Variants in RABGEF1 observed in about 807,000 individuals in gnomAD.
The protein encoded by RABGEF1 is RAB guanine nucleotide exchange factor 1, also known as rab5 GDP/GTP exchange factor.
Under a neutral mutation model 57.3 loss-of-function variants are expected in RABGEF1, and 26 were observed. That is an observed-to-expected ratio of 0.45 (90% CI 0.33 to 0.63). The LOEUF is 0.63. Among genes scored for constraint, RABGEF1 ranks in the 20% least tolerant of loss-of-function variants. The pLI, the probability that RABGEF1 is intolerant of heterozygous loss-of-function variation, is 0.02. For missense variants in RABGEF1, 464 were observed against 607.6 expected, an observed-to-expected ratio of 0.76 and a Z score of 2.48; for synonymous variants, 185 against 210.7, an observed-to-expected ratio of 0.88 and a Z score of 1.06.
intron 8 of RABGEF1, 150 bp downstream of exon 8, chr7:66,805,546 A>G (rs1788246623): frequency 1.7e-6 from 2 of 1,180,196 alleles, no homozygotes; most frequent in East Asian, 4.7e-5. Flanking sequence ...CAGGGAGCAC[A>G]AGGACCAGGC....
chr7:66,741,577 C>A (rs1387925914), intron 1 of RABGEF1, among the ~76,000 whole-genome samples: 3 of 152,090 alleles, frequency 2.0e-5, no homozygotes, highest in African/African-American at 7.2e-5. Flanking sequence ...CCCGTGGGCT[C>A]GTTTTGCCTT....
At chr7:66,697,139 A>C (rs550323396) in intron 1 of RABGEF1, among the ~76,000 whole-genome samples, 64 of 152,114 alleles carry the variant, frequency 4.2e-4, no homozygotes, top group African/African-American at 1.4e-3. Flanking sequence ...GCAGAGCAGG[A>C]GTGAGAGGGG....
At chr7:66,681,361 GTTAA>G (rs1254587957), upstream of RABGEF1, among the ~76,000 whole-genome samples, 2 of 148,624 alleles carry the variant, frequency 1.3e-5, no homozygotes, top group African/African-American at 2.5e-5. Context: ...TGTGACACTG[GTTAA>G]TTATTTCACT....
intron 1 of RABGEF1, among the ~76,000 whole-genome samples, chr7:66,701,503 T>TC (rs1384376403): frequency 2.7e-5 from 4 of 150,692 alleles, no homozygotes; most frequent in Non-Finnish European, 5.9e-5. Context: ...TGACTCTTTT[T>TC]TTTTTTTTTT....
At chr7:66,655,512 C>A in the RABGEF1 span, among the ~76,000 whole-genome samples, 20 of 152,276 alleles carry the variant, frequency 1.3e-4, no homozygotes, top group East Asian at 5.8e-4. Flanking sequence ...ACTTTCCCCC[C>A]CTAAACCTAG....
chr7:66,756,438 C>T (rs1180478110), intron 1 of RABGEF1, among the ~76,000 whole-genome samples: 3 of 152,196 alleles, frequency 2.0e-5, no homozygotes, highest in Non-Finnish European at 4.4e-5. Context: ...GCAAACTGCT[C>T]ACATTTTGCG....
At chr7:66,741,567 C>T (rs553496898) in intron 1 of RABGEF1, among the ~76,000 whole-genome samples, 1 of 152,242 alleles carries the variant, frequency 6.6e-6, no homozygotes, top group Admixed American at 6.5e-5. Context: ...GTCGTGGGCG[C>T]CCGTGGGCTC....
At chr7:66,728,752 A>T (rs1419686260) in intron 2 of RABGEF1, among the ~76,000 whole-genome samples, 1 of 47,128 alleles carries the variant, frequency 2.1e-5, no homozygotes, top group Non-Finnish European at 4.6e-5. Context: ...CCTCACCTCG[A>T]CCCTCACCGC....
At chr7:66,790,020 G>C (rs1812245707) in intron 4 of RABGEF1, among the ~76,000 whole-genome samples, 1 of 152,232 alleles carries the variant, frequency 6.6e-6, no homozygotes, top group South Asian at 2.1e-4. Flanking sequence ...AAGAGCAGCT[G>C]AAGGAGGCTG....
chr7:66,790,875 A>G (rs117501560), intron 4 of RABGEF1, among the ~76,000 whole-genome samples: 253 of 152,356 alleles, frequency 1.7e-3, no homozygotes, highest in Non-Finnish European at 3.2e-3. Flanking sequence ...GAGTTCATGA[A>G]TCACGCTGTA....
chr7:66,766,677 C>G (rs1229927093), intron 1 of RABGEF1, among the ~76,000 whole-genome samples: 2 of 151,986 alleles, frequency 1.3e-5, no homozygotes, highest in African/African-American at 4.8e-5. Flanking sequence ...AGGTAGATTA[C>G]CACCCGTCGT....
chr7:66,681,643 ATCC>A (rs1789748678), upstream of RABGEF1, among the ~76,000 whole-genome samples: 1 of 152,082 alleles, frequency 6.6e-6, no homozygotes, highest in South Asian at 2.1e-4. Context: ...GCCTCAAGCG[ATCC>A]TCCTGCCTGG....
At chr7:66,683,423 G>A (rs1245682552) in intron 1 of RABGEF1, among the ~76,000 whole-genome samples, 1 of 152,204 alleles carries the variant, frequency 6.6e-6, no homozygotes, top group East Asian at 1.9e-4. Flanking sequence ...ATTAAGAAAT[G>A]TTCAGGATAT....
intron 2 of RABGEF1, among the ~76,000 whole-genome samples, chr7:66,734,547 T>C (rs796547295): frequency 2.0e-5 from 3 of 152,098 alleles, no homozygotes; most frequent in African/African-American, 7.2e-5. Context: ...CCGCCCATGT[T>C]GGCCTCCCAA....
At chr7:66,668,090 G>A in the RABGEF1 span, among the ~76,000 whole-genome samples, 5 of 151,842 alleles carry the variant, frequency 3.3e-5, no homozygotes, top group Admixed American at 1.3e-4. Flanking sequence ...CAGCCACCGC[G>A]CCTGGCCCCA....
At chr7:66,749,443 G>A (rs1215636695) in intron 1 of RABGEF1, among the ~76,000 whole-genome samples, 1 of 152,198 alleles carries the variant, frequency 6.6e-6, no homozygotes, top group East Asian at 1.9e-4. Flanking sequence ...TCAAAAAGGA[G>A]TTGGGCTAGT....
chr7:66,671,032 T>TAG, the RABGEF1 span, among the ~76,000 whole-genome samples: 6 of 151,416 alleles, frequency 4.0e-5, no homozygotes, highest in Admixed American at 2.0e-4. Context: ...TATATATATA[T>TAG]AGAGAGAGAG....
the RABGEF1 span, among the ~76,000 whole-genome samples, chr7:66,660,711 C>A: frequency 6.6e-6 from 1 of 152,196 alleles, no homozygotes; most frequent in Non-Finnish European, 1.5e-5. Context: ...CAAAGAAATA[C>A]CCCTGACTGG....
Position 66,788,160 on chromosome 7 carries a change from C to T in RABGEF1, c.513+4319C>T, listed in dbSNP as rs539195227. On this transcript the variant is annotated intron_variant, in intron 4 of 8. Transcript: ENST00000284957. The stretch of plus-strand genomic sequence containing the variant: ...TATTGCAGTAGTGCTTTTTAATAAA[C>T]TTGGGGCTGGGCGAGGTTGCTCACA... Among the ~76,000 whole-genome samples, 17 of 152,048 alleles carry T rather than the reference C, an allele frequency of 1.1e-4. No individual in the cohort carries two copies. In the East Asian group the frequency reaches 2.1e-3, roughly 19 times the overall value.
Sources: allele counts gnomAD v4.1 joint callset (sites outside exome capture counted in the v4.1 genomes callset), GRCh38; gene constraint gnomAD v4.1.1; transcripts MANE v1.5; gene names NCBI Gene and HGNC (gene_info 2026-07-23, HGNC 2026-07-21).